Variants in SAMMSON observed in about 807,000 individuals in gnomAD.
SAMMSON encodes the protein long intergenic non-protein coding RNA 1212.
chr3:70,386,455 T>C (rs961567494), intron 9 of SAMMSON, among the ~76,000 whole-genome samples: 1 of 152,080 alleles, frequency 6.6e-6, no homozygotes, highest in African/African-American at 2.4e-5. Flanking sequence ...AATAAATTCA[T>C]TTGAACTTTA....
At chr3:70,251,640 T>C (rs929416239) in intron 6 of SAMMSON, among the ~76,000 whole-genome samples, 6 of 152,192 alleles carry the variant, frequency 3.9e-5, no homozygotes, top group African/African-American at 1.4e-4. Flanking sequence ...AAATTTAGGT[T>C]CTGCTTTTGC....
chr3:70,027,007 A>G (rs1041668783), intron 3 of SAMMSON, among the ~76,000 whole-genome samples: 2 of 152,284 alleles, frequency 1.3e-5, no homozygotes, highest in African/African-American at 4.8e-5. Flanking sequence ...CCCAGACTCT[A>G]CTGGGAGTTT....
At chr3:70,102,641 A>G (rs2067350463) in intron 4 of SAMMSON, among the ~76,000 whole-genome samples, 1 of 152,144 alleles carries the variant, frequency 6.6e-6, no homozygotes, top group Non-Finnish European at 1.5e-5. Context: ...GGGAGAATTC[A>G]TCACTGATCT....
At chr3:70,331,731 T>C (rs746169607) in intron 7 of SAMMSON, among the ~76,000 whole-genome samples, 1 of 152,242 alleles carries the variant, frequency 6.6e-6, no homozygotes, top group Non-Finnish European at 1.5e-5. Context: ...TCAGATAATT[T>C]GCACCCCTGC....
At chr3:70,150,878 A>T (rs942626514) in intron 4 of SAMMSON, among the ~76,000 whole-genome samples, 2 of 152,052 alleles carry the variant, frequency 1.3e-5, no homozygotes, top group African/African-American at 4.8e-5. Flanking sequence ...CAAATAACAA[A>T]TATCCAGGAA....
chr3:70,008,550 G>C (rs1457359611), intron 1 of SAMMSON, among the ~76,000 whole-genome samples: 1 of 152,086 alleles, frequency 6.6e-6, no homozygotes. Context: ...TGAGATGATG[G>C]GGTTTTCTAG....
intron 7 of SAMMSON, chr3:70,292,163 C>T (rs556852690): frequency 6.6e-6 from 1 of 152,190 alleles, no homozygotes; most frequent in Non-Finnish European, 1.5e-5. Flanking sequence ...GGACAAACTA[C>T]TCCATGTCTC....
chr3:70,060,836 G>T (rs1306306108), intron 3 of SAMMSON, among the ~76,000 whole-genome samples: 1 of 152,084 alleles, frequency 6.6e-6, no homozygotes, highest in African/African-American at 2.4e-5. Flanking sequence ...CTTAGAATAT[G>T]TACATATGAA....
intron 3 of SAMMSON, among the ~76,000 whole-genome samples, chr3:70,052,472 G>A (rs2067150214): frequency 6.6e-6 from 1 of 152,104 alleles, no homozygotes; most frequent in Admixed American, 6.6e-5. Flanking sequence ...ATGTGAAGAA[G>A]CACTTTATAA....
chr3:70,365,687 G>A (rs1282302633), intron 9 of SAMMSON, among the ~76,000 whole-genome samples: 1 of 151,670 alleles, frequency 6.6e-6, no homozygotes, highest in East Asian at 1.9e-4. Flanking sequence ...AGTTTCTTTT[G>A]CCTCTTGTCT....
At chr3:70,010,973 A>G (rs2066952426) in intron 1 of SAMMSON, among the ~76,000 whole-genome samples, 2 of 152,084 alleles carry the variant, frequency 1.3e-5, no homozygotes, top group Admixed American at 1.3e-4. Context: ...AGCAGGATTC[A>G]GTTACCTTCA....
intron 4 of SAMMSON, among the ~76,000 whole-genome samples, chr3:70,116,909 A>C (rs1250781221): frequency 6.6e-6 from 1 of 152,230 alleles, no homozygotes; most frequent in Non-Finnish European, 1.5e-5. Flanking sequence ...ATTGAAAATT[A>C]TTAAAGCTCT....
chr3:70,378,563 G>A (rs982733541), intron 9 of SAMMSON, among the ~76,000 whole-genome samples: 1 of 152,058 alleles, frequency 6.6e-6, no homozygotes, highest in African/African-American at 2.4e-5. Flanking sequence ...ATGGTATAAT[G>A]TTTTGTTATA....
intron 4 of SAMMSON, among the ~76,000 whole-genome samples, chr3:70,174,811 C>G (rs1700997155): frequency 6.6e-6 from 1 of 151,702 alleles, no homozygotes; most frequent in Non-Finnish European, 1.5e-5. Flanking sequence ...GAACTGGAAC[C>G]ATTTCTAATT....
At chr3:70,286,433 C>G (rs1464588549) in intron 6 of SAMMSON, among the ~76,000 whole-genome samples, 3 of 151,768 alleles carry the variant, frequency 2.0e-5, no homozygotes, top group African/African-American at 7.3e-5. Context: ...TGTTTTGGTA[C>G]CAGTACCATG....
intron 4 of SAMMSON, among the ~76,000 whole-genome samples, chr3:70,138,690 A>C (rs1187460145): frequency 6.6e-6 from 1 of 152,190 alleles, no homozygotes; most frequent in Non-Finnish European, 1.5e-5. Context: ...ATCTCATTCT[A>C]TCATCAACTT....
At chr3:70,135,177 C>T (rs1176693886) in intron 4 of SAMMSON, among the ~76,000 whole-genome samples, 1 of 152,036 alleles carries the variant, frequency 6.6e-6, no homozygotes, top group East Asian at 1.9e-4. Flanking sequence ...GGTTTTTTCT[C>T]AGTTGCATTG....
chr3:70,255,816 A>T (rs751094989), intron 6 of SAMMSON, among the ~76,000 whole-genome samples: 15 of 152,206 alleles, frequency 9.9e-5, no homozygotes, highest in Non-Finnish European at 1.9e-4. Context: ...TTGGGAAATG[A>T]TCAATGCACA....
At chr3:70,035,194 G>T (rs1000416361) in intron 3 of SAMMSON, among the ~76,000 whole-genome samples, 1 of 152,090 alleles carries the variant, frequency 6.6e-6, no homozygotes, top group Non-Finnish European at 1.5e-5. Flanking sequence ...CTGTTTTCTT[G>T]CTGACTGTTG....
Sources: gnomAD v4.1 joint callset for allele counts (sites outside exome capture counted in the v4.1 genomes callset) on GRCh38, gnomAD v4.1.1 for gene constraint, MANE v1.5 for transcripts, NCBI Gene and HGNC (gene_info 2026-07-23, HGNC 2026-07-21) for gene names.